PTPRT: variants seen among roughly 807,000 people sequenced by gnomAD.
The protein encoded by PTPRT is protein tyrosine phosphatase receptor type T, also known as receptor-type tyrosine-protein phosphatase T.
A neutral mutation model predicts 176.8 loss-of-function variants in PTPRT; 56 were observed. The ratio of observed to expected loss-of-function variants is 0.32; its 90% CI spans 0.26 to 0.40. PTPRT has a LOEUF of 0.40. PTPRT is among the 10% of genes least tolerant of loss of function. The pLI is 1.00. For missense variants in PTPRT, 1,540 were observed against 1,908.2 expected (o/e 0.81, Z 3.60); for synonymous variants, 783 against 739.0 (o/e 1.06, Z -0.96).
intron 28 of PTPRT, among the ~76,000 whole-genome samples, chr20:42,085,484 C>T (rs574152071): frequency 1.5e-4 from 23 of 152,306 alleles, no homozygotes; most frequent in Middle Eastern, 3.4e-3. Context: ...GTTTTGTCTA[C>T]ACGGCAGCAA....
chr20:42,814,367 T>C (rs1274512269), intron 2 of PTPRT, among the ~76,000 whole-genome samples: 1 of 152,220 alleles, frequency 6.6e-6, no homozygotes, highest in Non-Finnish European at 1.5e-5. Flanking sequence ...TGAGTCACAC[T>C]TTCCATAAGT....
chr20:42,965,184 A>C (rs1377264407), intron 1 of PTPRT, among the ~76,000 whole-genome samples: 1 of 152,222 alleles, frequency 6.6e-6, no homozygotes, highest in African/African-American at 2.4e-5. Context: ...AATGCTATAA[A>C]TACTCATATA....
intron 7 of PTPRT, among the ~76,000 whole-genome samples, chr20:42,551,673 A>G (rs1246020165): frequency 6.6e-6 from 1 of 152,156 alleles, no homozygotes; most frequent in Admixed American, 6.5e-5. Flanking sequence ...TAGCTTGTTG[A>G]CTTACGGTCT....
chr20:42,408,233 T>G (rs2058979639), intron 9 of PTPRT, among the ~76,000 whole-genome samples: 1 of 152,164 alleles, frequency 6.6e-6, no homozygotes. Flanking sequence ...GATGTTTCTT[T>G]ATTAAGCTTA....
intron 7 of PTPRT, among the ~76,000 whole-genome samples, chr20:42,496,065 A>T (rs1229934828): frequency 6.6e-6 from 1 of 152,194 alleles, no homozygotes; most frequent in Non-Finnish European, 1.5e-5. Flanking sequence ...AAATATTATT[A>T]GGGAAATCAT....
intron 12 of PTPRT, among the ~76,000 whole-genome samples, chr20:42,292,466 G>C (rs541134808): frequency 8.2e-4 from 125 of 152,186 alleles, no homozygotes; most frequent in African/African-American, 2.9e-3. Flanking sequence ...ACTTAGCATA[G>C]TTTATGTCTT....
intron 1 of PTPRT, among the ~76,000 whole-genome samples, chr20:42,923,787 T>C (rs1354254868): frequency 2.0e-5 from 3 of 152,164 alleles, no homozygotes; most frequent in African/African-American, 2.4e-5. Context: ...GGGCCAGCAG[T>C]GTCCAGCGTC....
At chr20:42,685,808 T>A (rs2075681650) in intron 6 of PTPRT, 1 of 152,236 alleles carries the variant, frequency 6.6e-6, no homozygotes. Context: ...AGTTGCTTAT[T>A]ATAAATATAA....
intron 7 of PTPRT, among the ~76,000 whole-genome samples, chr20:42,673,697 G>A (rs932832634): frequency 6.6e-6 from 1 of 152,066 alleles, no homozygotes; most frequent in Non-Finnish European, 1.5e-5. Context: ...CTGCCCTGAT[G>A]ACATAATTAG....
At chr20:42,145,162 C>G (rs139682424) in intron 17 of PTPRT, among the ~76,000 whole-genome samples, 5 of 152,280 alleles carry the variant, frequency 3.3e-5, no homozygotes, top group African/African-American at 1.2e-4. Context: ...ATATAAAAAT[C>G]AAACAAATGG....
At chr20:42,119,855 A>T (rs1358989864) in intron 20 of PTPRT, 80 bp downstream of exon 20, 2 of 1,289,096 alleles carry the variant, frequency 1.6e-6, no homozygotes, top group Non-Finnish European at 2.2e-6. Context: ...AGGAGAGGAC[A>T]AGCCTTGCAG....
rs565331945 is a variant in PTPRT, at chr20:42,886,053, A to T, written c.89-121T>A. On this transcript the variant is annotated intron_variant, in intron 1 of 30. Coordinates refer to ENST00000373187, the MANE Select transcript of PTPRT (RefSeq NM_007050.6). ...TTAAACTCTGGAGAAGATTTTCCAT[A>T]TATATATATATATATATAAAAGATG... 1,221 of 353,452 alleles carry T rather than the reference A, an allele frequency of 3.5e-3. 21 individuals carry two copies. Among genetic ancestry groups the T allele is most frequent in the African/African-American group, 0.027 (1,162 of 43,186 alleles). 21.9% of individuals were successfully genotyped at this position (353,452 alleles called of 1,614,324 possible).
In PTPRT at chr20:43,189,522, G is replaced by T. The variant is rs117637352; in HGVS notation, c.88+124C>A. The T allele has an allele frequency of 1.8e-6, 1 of 541,336 alleles. No homozygotes were observed. Among genetic ancestry groups the T allele is most frequent in the East Asian group, 4.5e-5 (1 of 22,362 alleles). 33.5% of individuals were successfully genotyped at this position (541,336 alleles called of 1,614,324 possible). ...GCCTGCAAGCTGAGACCCGGGTTCCGGCCATGGGGACCCGCGCCCCCGCGA... is the reference window on the plus strand; with the variant it reads ...GCCTGCAAGCTGAGACCCGGGTTCCTGCCATGGGGACCCGCGCCCCCGCGA... On this transcript the variant is annotated intron_variant, in intron 1 of 30. Transcript: ENST00000373187. The surrounding 1 kb of genome is among the most constrained non-coding windows in gnomAD (Gnocchi z 5.0).
intron 7 of PTPRT, among the ~76,000 whole-genome samples, chr20:42,595,442 T>A (rs991777894): frequency 2.0e-5 from 3 of 152,060 alleles, no homozygotes; most frequent in Admixed American, 2.0e-4. Context: ...CGGTCAAATG[T>A]CCTCTGGTGA....
rs1250987383 is a variant in PTPRT at position 42,587,797 on chromosome 20, C to T, written c.1153+90069G>A. On this transcript the variant is annotated intron_variant, in intron 7 of 30. Coordinates refer to ENST00000373187, the MANE Select transcript of PTPRT (RefSeq NM_007050.6). ...GGTGCTTATGATCTACTGCCTATCACGAGCATCTAGTATCTTGCCATGGGG... is the reference window on the plus strand; with the variant it reads ...GGTGCTTATGATCTACTGCCTATCATGAGCATCTAGTATCTTGCCATGGGG... 9.9e-5 allele frequency among the ~76,000 whole-genome samples: 15 copies of T among 152,078 alleles called. 1 individual carries two copies.
intron 7 of PTPRT, among the ~76,000 whole-genome samples, chr20:42,513,201 GGTGT>G (rs58268839): frequency 0.028 from 4,036 of 144,484 alleles, 69 homozygotes; most frequent in East Asian, 0.044. Flanking sequence ...CTATTGATGG[GGTGT>G]GTGTGTGTGT....
intron 7 of PTPRT, among the ~76,000 whole-genome samples, chr20:42,556,846 G>T (rs1390541663): frequency 6.6e-6 from 1 of 152,094 alleles, no homozygotes; most frequent in Non-Finnish European, 1.5e-5. Context: ...CTGGTGCCCA[G>T]GGAGAGCCAG....
intron 2 of PTPRT, among the ~76,000 whole-genome samples, chr20:42,857,374 G>A (rs1047281716): frequency 2.0e-5 from 3 of 152,156 alleles, no homozygotes; most frequent in Non-Finnish European, 4.4e-5. Context: ...CTTAGAGCTA[G>A]AATTATCTTA....
intron 1 of PTPRT, among the ~76,000 whole-genome samples, chr20:43,172,480 G>A (rs1163943980): frequency 1.3e-5 from 2 of 152,148 alleles, no homozygotes; most frequent in Non-Finnish European, 2.9e-5. Context: ...ACATTCCTGC[G>A]TTTTCAATGA....
Sources: allele counts gnomAD v4.1 joint callset (sites outside exome capture counted in the v4.1 genomes callset), GRCh38; gene constraint gnomAD v4.1.1; non-coding constraint Gnocchi (gnomAD v3.1); transcripts MANE v1.5; gene names NCBI Gene and HGNC (gene_info 2026-07-23, HGNC 2026-07-21).